MACROD2: variants seen among roughly 807,000 people sequenced by gnomAD.
MACROD2 encodes the protein mono-ADP ribosylhydrolase 2.
MACROD2 carries 36 observed loss-of-function variants against 70.4 expected under a neutral mutation model. That is an observed-to-expected ratio of 0.51 (90% confidence interval 0.39 to 0.68). The LOEUF (loss-of-function observed/expected upper bound fraction) is 0.68. MACROD2 is among the 30% of genes least tolerant of loss of function. The pLI, the probability that MACROD2 is intolerant of heterozygous loss-of-function variation, is 0.00. For synonymous variants in MACROD2, 172 were observed against 178.8 expected, an observed-to-expected ratio of 0.96 and a Z score of 0.30; for missense variants, 496 against 538.4, an observed-to-expected ratio of 0.92 and a Z score of 0.78.
intron 12 of MACROD2, among the ~76,000 whole-genome samples, chr20:15,956,924 G>A (rs888569246): frequency 2.0e-5 from 3 of 152,268 alleles, no homozygotes; most frequent in East Asian, 1.9e-4. Context: ...AAGATTTACC[G>A]TAGAATCTGC....
intron 8 of MACROD2, chr20:15,553,011 A>G (rs1482582713): frequency 6.6e-6 from 1 of 152,364 alleles, no homozygotes; most frequent in East Asian, 1.9e-4. Context: ...GACAATTACA[A>G]AGACTAAAAA....
At chr20:14,698,252 G>T (rs1358768677) in intron 5 of MACROD2, among the ~76,000 whole-genome samples, 1 of 152,170 alleles carries the variant, frequency 6.6e-6, no homozygotes, top group Admixed American at 6.5e-5. Context: ...TAGCCACACT[G>T]TCTAAATGGT....
intron 6 of MACROD2, among the ~76,000 whole-genome samples, chr20:15,275,685 G>A (rs1255966605): frequency 9.2e-5 from 14 of 152,136 alleles, no homozygotes. Flanking sequence ...CTTGGTTTGG[G>A]TCCATTTAGA....
chr20:14,230,654 T>TATATATATATATATATATATATATAAA lies in MACROD2; in HGVS notation c.271+144927_271+144928insTATATATATATATATATATATATAAAA. ...GTTTATATATATATATATATATATATAACACAGGCTGGGCCTATATATATA... is the reference window on the plus strand; with the variant it reads ...GTTTATATATATATATATATATATATATATATATATATATATATATATATAAAAACACAGGCTGGGCCTATATATATA... On this transcript the variant is annotated intron_variant, in intron 3 of 17. Transcript: ENST00000684519. Among the ~76,000 whole-genome samples the TATATATATATATATATATATATATAAA allele has an allele frequency of 4.6e-4, 34 of 74,234 alleles. 2 individuals carry two copies. The highest frequency in any genetic ancestry group is 2.1e-3 in the African/African-American group (31 of 14,816). 48.7% of individuals were successfully genotyped at this position (74,234 alleles called of 152,430 possible).
intron 3 of MACROD2, among the ~76,000 whole-genome samples, chr20:14,259,321 T>C (rs995491259): frequency 5.9e-5 from 9 of 152,344 alleles, no homozygotes; most frequent in African/African-American, 1.9e-4. Flanking sequence ...AATTCATATA[T>C]AAACTTAGGG....
chr20:15,518,753 C>A (rs1196611979), intron 8 of MACROD2, among the ~76,000 whole-genome samples: 1 of 152,148 alleles, frequency 6.6e-6, no homozygotes, highest in Non-Finnish European at 1.5e-5. Flanking sequence ...AATCCCAACA[C>A]TTTGTGAGGC....
At chr20:15,649,066 TCCTCCCCTCCCCTTC>T (rs2049597278) in intron 8 of MACROD2, among the ~76,000 whole-genome samples, 1 of 128,740 alleles carries the variant, frequency 7.8e-6, no homozygotes, top group Admixed American at 7.7e-5. Flanking sequence ...TTTTCTTTTC[TCCTCCCCTCCCCTTC>T]CCTCCCCTTC....
At chr20:14,201,187 T>G (rs2081476551) in intron 3 of MACROD2, among the ~76,000 whole-genome samples, 1 of 152,212 alleles carries the variant, frequency 6.6e-6, no homozygotes, top group Non-Finnish European at 1.5e-5. Context: ...GCATCAGTTA[T>G]GTATCAGAAT....
chr20:14,307,012 AACACACACACACACACAC>A lies in MACROD2; in HGVS notation c.272-186449_272-186432del, dbSNP rs3044626. ...AAGTGTGAACCGTGGACTAAATGTA[AACACACACACACACACAC>A]ACACACACACACACACAATTGACTG... is the stretch of plus-strand genomic sequence containing the variant. On this transcript the variant is annotated intron_variant, in intron 3 of 17. Transcript: ENST00000684519. Among the ~76,000 whole-genome samples the A allele has an allele frequency of 7.4e-5, 11 of 148,198 alleles. 1 individual carries two copies. Among genetic ancestry groups the A allele is most frequent in the African/African-American group, 1.7e-4 (7 of 40,164 alleles).
intron 8 of MACROD2, among the ~76,000 whole-genome samples, chr20:15,756,250 C>T (rs1051787841): frequency 6.6e-5 from 10 of 152,126 alleles, no homozygotes; most frequent in African/African-American, 1.4e-4. Context: ...CACAGAGTAA[C>T]GAGATGCCAT....
chr20:14,229,803 T>C (rs147226768), intron 3 of MACROD2, among the ~76,000 whole-genome samples: 132 of 152,306 alleles, frequency 8.7e-4, no homozygotes, highest in African/African-American at 3.0e-3. Flanking sequence ...GCAACCAAGA[T>C]GTCCTTCAGT....
intron 5 of MACROD2, among the ~76,000 whole-genome samples, chr20:14,720,536 CTTTTTTTTTTTTTT>C (rs753673265): frequency 8.1e-4 from 29 of 35,948 alleles, no homozygotes; most frequent in Middle Eastern, 0.031. Context: ...TGCCCCACAA[CTTTTTTTTTTTTTT>C]TTTTTTTTTT....
intron 8 of MACROD2, among the ~76,000 whole-genome samples, chr20:15,807,289 A>G (rs1354945855): frequency 1.3e-5 from 2 of 152,214 alleles, no homozygotes; most frequent in Non-Finnish European, 2.9e-5. Context: ...TGACCAAAAC[A>G]TGGCCTTCGT....
At chr20:15,130,905 C>A (rs2076100059) in intron 5 of MACROD2, among the ~76,000 whole-genome samples, 2 of 152,058 alleles carry the variant, frequency 1.3e-5, no homozygotes, top group Non-Finnish European at 2.9e-5. Context: ...AAGCCATAGG[C>A]ACTGAATTGA....
chr20:14,078,463 A>G (rs1490197191), intron 2 of MACROD2, among the ~76,000 whole-genome samples: 2 of 151,994 alleles, frequency 1.3e-5, no homozygotes, highest in South Asian at 2.1e-4. Context: ...CTGGAGTACA[A>G]TGGCGCGATC....
intron 5 of MACROD2, among the ~76,000 whole-genome samples, chr20:15,187,725 A>C (rs1262250248): frequency 6.6e-6 from 1 of 152,146 alleles, no homozygotes; most frequent in Admixed American, 6.5e-5. Flanking sequence ...AATACTTAGC[A>C]TTTTTATCAT....
At chr20:15,461,708 G>A (rs548128977) in intron 7 of MACROD2, among the ~76,000 whole-genome samples, 1 of 152,198 alleles carries the variant, frequency 6.6e-6, no homozygotes, top group South Asian at 2.1e-4. Context: ...CGACATTCCA[G>A]CACTTCCACT....
chr20:15,095,971 A>G (rs748348419), intron 5 of MACROD2, among the ~76,000 whole-genome samples: 1 of 152,170 alleles, frequency 6.6e-6, no homozygotes, highest in Admixed American at 6.6e-5. Flanking sequence ...GGGATTCACT[A>G]AAAGAATTTC....
intron 8 of MACROD2, among the ~76,000 whole-genome samples, chr20:15,549,819 A>G (rs2048072025): frequency 6.6e-6 from 1 of 151,688 alleles, no homozygotes; most frequent in African/African-American, 2.4e-5. Context: ...CTCAAACCAA[A>G]TATTGTCTGT....
Sources: gnomAD v4.1 joint callset for allele counts (sites outside exome capture counted in the v4.1 genomes callset) on GRCh38, gnomAD v4.1.1 for gene constraint, MANE v1.5 for transcripts, NCBI Gene and HGNC (gene_info 2026-07-23, HGNC 2026-07-21) for gene names.